ZNF486: variants seen among roughly 807,000 people sequenced by gnomAD.
The protein encoded by ZNF486 is zinc finger protein 486, also known as KRAB box only protein 2.
In ZNF486, 12 loss-of-function variants were observed where a neutral mutation model predicts 12.8. The observed-to-expected ratio is 0.94, with a 90% CI of 0.60 to 1.52. The LOEUF (loss-of-function observed/expected upper bound fraction) is 1.52. Among genes scored for constraint, ZNF486 ranks in the 40% most tolerant of loss-of-function variants. ZNF486 has a pLI of 0.00. For synonymous variants in ZNF486, 231 were observed against 184.9 expected, an observed-to-expected ratio of 1.25 and a Z score of -2.02; for missense variants, 738 against 545.0, an observed-to-expected ratio of 1.35 and a Z score of -3.53.
chr19:20,172,940 C>G (rs1445049935), intron 1 of ZNF486, among the ~76,000 whole-genome samples: 3 of 152,186 alleles, frequency 2.0e-5, no homozygotes, highest in Non-Finnish European at 4.4e-5. Flanking sequence ...CACGCCCAGC[C>G]AAGTTCTTAA....
intron 1 of ZNF486, among the ~76,000 whole-genome samples, chr19:20,168,458 C>T (rs907229540): frequency 6.6e-6 from 1 of 152,034 alleles, no homozygotes; most frequent in African/African-American, 2.4e-5. Context: ...AGTTCGAGAC[C>T]GGCCTGACTA....
In ZNF486 at chr19:20,167,222, C is replaced by G. The variant is rs782357326; in HGVS notation, c.-109C>G. ...GGTTTGGCGCGGCCTTTGTCTCTCG[C>G]TGCATCTGGAGCTCTAGGTCGCCTC... On this transcript the variant is annotated 5_prime_UTR_variant, in exon 1 of 4. Coordinates refer to ENST00000335117, the MANE Select transcript of ZNF486 (RefSeq NM_052852.4). 7.2e-7 allele frequency: 1 copy of G among 1,390,280 alleles called. No homozygotes were observed. The highest frequency in any genetic ancestry group is 1.0e-6 in the Non-Finnish European group (1 of 979,358). The allele number at this position is 1,390,280 out of a possible 1,614,324, so 86.1% of individuals were successfully genotyped here. A position where few individuals can be genotyped will look rare whatever the true frequency, so the allele number is the denominator to read the frequency against.
At chr19:20,191,302 T>C (rs1477353851) in intron 3 of ZNF486, among the ~76,000 whole-genome samples, 1 of 150,290 alleles carries the variant, frequency 6.7e-6, no homozygotes, top group African/African-American at 2.5e-5. Flanking sequence ...AAACCCCGTC[T>C]CTACCAAAAA....
chr19:20,168,092 T>C (rs2089604999), intron 1 of ZNF486, among the ~76,000 whole-genome samples: 1 of 152,174 alleles, frequency 6.6e-6, no homozygotes, highest in Non-Finnish European at 1.5e-5. Context: ...TCGGGCGCGG[T>C]GGCTCACGCC....
At position 20,199,983 on chromosome 19, in the gene ZNF486, G is replaced by C. The variant is rs1398115436; in HGVS notation, c.*1881G>C. 6.6e-6 allele frequency: 1 copy of C among 151,882 alleles called. No individual in the cohort carries two copies. The highest frequency in any genetic ancestry group is 2.4e-5 in the African/African-American group (1 of 41,352). 9.4% of individuals were successfully genotyped at this position (151,882 alleles called of 1,614,324 possible). ...CAGCTGCTTGGGAGGCTGAGGCAGA[G>C]AATTGGAATTGCTTGAACCTGGGAG... is the stretch of plus-strand genomic sequence containing the variant. On this transcript the variant is annotated 3_prime_UTR_variant, in exon 4 of 4. Transcript: ENST00000335117.
chr19:20,173,788 T>C (rs1433619596), intron 1 of ZNF486, among the ~76,000 whole-genome samples: 6 of 151,636 alleles, frequency 4.0e-5, no homozygotes, highest in Middle Eastern at 3.4e-3. Context: ...GCTGAGATAG[T>C]GCCACTGCAC....
rs1294647933 is a variant in ZNF486, at chr19:20,199,062, A to C, written c.*960A>C. 1 of 152,200 alleles carries C rather than the reference A, an allele frequency of 6.6e-6. No homozygotes were observed. Among genetic ancestry groups the C allele is most frequent in the Non-Finnish European group, 1.5e-5 (1 of 68,042 alleles). The allele number at this position is 152,200 out of a possible 1,614,324, so 9.4% of individuals were successfully genotyped here. On this transcript the variant is annotated 3_prime_UTR_variant, in exon 4 of 4. Transcript: ENST00000335117. ...GTATGAAGAATGTGGCAAAACTTTTAATCAGTGCTTACACCGTATTTCACA... is the reference window on the plus strand; with the variant it reads ...GTATGAAGAATGTGGCAAAACTTTTCATCAGTGCTTACACCGTATTTCACA...
At chr19:20,173,541 C>CA (rs1342406800) in intron 1 of ZNF486, among the ~76,000 whole-genome samples, 1 of 151,792 alleles carries the variant, frequency 6.6e-6, no homozygotes, top group South Asian at 2.1e-4. Flanking sequence ...TAAAAACTTC[C>CA]AAAAAAAGGC....
chr19:20,174,492 G>A (rs1044210930), intron 1 of ZNF486, among the ~76,000 whole-genome samples: 1 of 151,674 alleles, frequency 6.6e-6, no homozygotes, highest in Non-Finnish European at 1.5e-5. Context: ...GGGTTCAAGC[G>A]ATTCTCCTGC....
At chr19:20,186,165 G>A in intron 3 of ZNF486, 83 bp downstream of exon 3, 1 of 974,816 alleles carries the variant, frequency 1.0e-6, no homozygotes, top group East Asian at 2.9e-5. Context: ...CTTAAAATGT[G>A]ATCTGGGAAG....
Position 20,185,981 on chromosome 19 carries a change from A to ATTTATTTTTAATATTTT in ZNF486, c.158-6_158-5insTTTATTTTTAATATTTT. 1 of 1,526,370 alleles carries ATTTATTTTTAATATTTT rather than the reference A, an allele frequency of 6.6e-7. No homozygotes were observed. The highest frequency in any genetic ancestry group is 8.8e-7 in the Non-Finnish European group (1 of 1,138,912). The allele number at this position is 1,526,370 out of a possible 1,614,324, so 94.6% of individuals were successfully genotyped here. The stretch of plus-strand genomic sequence containing the variant: ...AGATTAATGCTATTTATTTTTAATG[A>ATTTATTTTTAATATTTT]AACAGGTATTATTGTCTCTAAGCCA... On this transcript the variant is annotated splice_region_variant and splice_polypyrimidine_tract_variant and intron_variant, in intron 2 of 3. Coordinates refer to ENST00000335117, the MANE Select transcript of ZNF486 (RefSeq NM_052852.4).
At chr19:20,187,510 T>G (rs985139894) in intron 3 of ZNF486, among the ~76,000 whole-genome samples, 1 of 148,328 alleles carries the variant, frequency 6.7e-6, no homozygotes, top group Non-Finnish European at 1.5e-5. Context: ...GTTTTTTTTT[T>G]TTTTTTTTTT....
At chr19:20,181,100 C>G (rs977591327) in intron 1 of ZNF486, among the ~76,000 whole-genome samples, 1 of 151,626 alleles carries the variant, frequency 6.6e-6, no homozygotes, top group Middle Eastern at 3.2e-3. Context: ...CAGATTCATG[C>G]TTTTTGGAGG....
chr19:20,197,636 T>C lies in ZNF486; in HGVS notation c.926T>C (p.Leu309Pro), dbSNP rs1555718261. Reference protein sequence around the residue: ...CDKAFNHPATLSSHKKIHTGE... With the variant: ...CDKAFNHPATPSSHKKIHTGE... The stretch of plus-strand genomic sequence containing the variant: ...AAAGCTTTTAACCATCCTGCAACTC[T>C]TTCTTCACATAAGAAAATTCATACT... The change falls in exon 4 of 4, where the codon CTT becomes CCT. Residue 309 changes from leucine to proline, a missense_variant. Leu to Pro is a moderately conservative substitution (Grantham distance 98). Coordinates refer to ENST00000335117, the MANE Select transcript of ZNF486 (RefSeq NM_052852.4). The C allele has an allele frequency of 6.2e-7, 1 of 1,613,670 alleles. No individual in the cohort carries two copies. Among genetic ancestry groups the C allele is most frequent in the Admixed American group, 1.7e-5 (1 of 59,978 alleles).
At chr19:20,195,889 AT>A (rs1201079127) in intron 3 of ZNF486, among the ~76,000 whole-genome samples, 3 of 151,278 alleles carry the variant, frequency 2.0e-5, no homozygotes, top group African/African-American at 4.9e-5. Flanking sequence ...GTATATCACC[AT>A]TTTTTTTTAG....
intron 3 of ZNF486, among the ~76,000 whole-genome samples, chr19:20,196,169 C>A (rs186258248): frequency 5.0e-4 from 76 of 152,246 alleles, no homozygotes; most frequent in Non-Finnish European, 7.2e-4. Context: ...TAACTGTAAC[C>A]ATGCCTGGCT....
Position 20,186,960 on chromosome 19 carries a change from A to AT in ZNF486, c.253+884dup, listed in dbSNP as rs1240672290. The stretch of plus-strand genomic sequence containing the variant: ...ACCATGCCTGGCTAATTTTTTTTGT[A>AT]TTTTTTGTAGAGAGGGGTTTCACCA... On this transcript the variant is annotated intron_variant, in intron 3 of 3. Transcript: ENST00000335117. 3.3e-5 allele frequency among the ~76,000 whole-genome samples: 5 copies of AT among 150,908 alleles called. No individual in the cohort carries two copies. In the East Asian group the frequency reaches 7.8e-4, roughly 24 times the overall value.
At chr19:20,188,474 A>T (rs1555716799) in intron 3 of ZNF486, 1 of 398,558 alleles carries the variant, frequency 2.5e-6, no homozygotes. Flanking sequence ...CCTGGAGCCC[A>T]AAAGTTTGAG....
intron 3 of ZNF486, among the ~76,000 whole-genome samples, chr19:20,196,172 G>A (rs1178746377): frequency 1.3e-5 from 2 of 152,080 alleles, no homozygotes; most frequent in African/African-American, 4.8e-5. Context: ...CTGTAACCAT[G>A]CCTGGCTAAT....
Sources: gnomAD v4.1 joint callset for allele counts (sites outside exome capture counted in the v4.1 genomes callset) on GRCh38, gnomAD v4.1.1 for gene constraint, MANE v1.5 for transcripts, NCBI Gene and HGNC (gene_info 2026-07-23, HGNC 2026-07-21) for gene names.